GPHN: variants seen among roughly 807,000 people sequenced by gnomAD.
GPHN encodes gephyrin.
In GPHN, 17 loss-of-function variants were observed where a neutral mutation model predicts 95.5. The ratio of observed to expected loss-of-function variants is 0.18; its 90% CI spans 0.12 to 0.27. The LOEUF (loss-of-function observed/expected upper bound fraction) is 0.27, where lower values mean the gene tolerates loss of function less well. GPHN is among the 10% of genes least tolerant of loss of function. GPHN has a pLI of 1.00. For synonymous variants in GPHN, 320 were observed against 322.5 expected, an observed-to-expected ratio of 0.99 and a Z score of 0.08; for missense variants, 660 against 978.1, an observed-to-expected ratio of 0.67 and a Z score of 4.34.
In GPHN at chr14:66,595,668, G is replaced by C. The variant is rs149582438; in HGVS notation, c.65-85439G>C. ...AAGCAGCTTCCATGGCTGCCACTGG[G>C]GTAGGCAGTGGTGCCTGGAAGCTTG... On this transcript the variant is annotated intron_variant, in intron 1 of 22. Transcript: ENST00000478722. Among the ~76,000 whole-genome samples the C allele has an allele frequency of 3.4e-3, 515 of 152,266 alleles. 2 individuals are homozygous for C. The highest frequency in any genetic ancestry group is 0.012 in the African/African-American group (489 of 41,552).
the GPHN span, among the ~76,000 whole-genome samples, chr14:67,353,283 G>T: frequency 2.6e-5 from 4 of 152,102 alleles, no homozygotes; most frequent in Admixed American, 2.6e-4. Flanking sequence ...GAGATGACTG[G>T]GTCATCTGGG....
At chr14:66,841,037 A>G (rs2062067611) in intron 4 of GPHN, among the ~76,000 whole-genome samples, 1 of 145,130 alleles carries the variant, frequency 6.9e-6, no homozygotes, top group Non-Finnish European at 1.5e-5. Flanking sequence ...AGATATAGGT[A>G]TAGATATAGA....
chr14:67,465,622 A>G, the GPHN span, among the ~76,000 whole-genome samples: 1,051 of 152,302 alleles, frequency 6.9e-3, 9 homozygotes, highest in African/African-American at 0.025. Flanking sequence ...TCCTCATGGA[A>G]TTCCTAAGTG....
chr14:66,863,469 C>T (rs1306616952), intron 4 of GPHN, among the ~76,000 whole-genome samples: 1 of 151,904 alleles, frequency 6.6e-6, no homozygotes, highest in South Asian at 2.1e-4. Flanking sequence ...GAAAAAAAAT[C>T]ATAAAATTTA....
chr14:67,534,670 C>T, the GPHN span, among the ~76,000 whole-genome samples: 1 of 152,100 alleles, frequency 6.6e-6, no homozygotes, highest in Admixed American at 6.6e-5. Flanking sequence ...TTGTGGGGTG[C>T]AGCCTGTGGC....
At chr14:67,189,718 C>T in the GPHN span, 1 of 152,092 alleles carries the variant, frequency 6.6e-6, no homozygotes, top group African/African-American at 2.4e-5. Context: ...TCTACCTCAA[C>T]CAGAACAAGC....
intron 2 of GPHN, among the ~76,000 whole-genome samples, chr14:66,681,662 A>G (rs2066937774): frequency 6.6e-6 from 1 of 152,094 alleles, no homozygotes; most frequent in African/African-American, 2.4e-5. Flanking sequence ...GGAGAGTTTG[A>G]TAGATTTCAG....
chr14:67,657,595 C>T, the GPHN span, among the ~76,000 whole-genome samples: 334 of 138,400 alleles, frequency 2.4e-3, 1 homozygote, highest in African/African-American at 9.3e-3. Flanking sequence ...CACGCGCGCG[C>T]GTGCACACAC....
At chr14:67,687,278 A>G in the GPHN span, among the ~76,000 whole-genome samples, 1 of 152,154 alleles carries the variant, frequency 6.6e-6, no homozygotes, top group South Asian at 2.1e-4. Flanking sequence ...CTCTTAGAAT[A>G]AACACTAAAA....
chr14:66,541,817 G>C (rs2059365004), intron 1 of GPHN, among the ~76,000 whole-genome samples: 1 of 152,146 alleles, frequency 6.6e-6, no homozygotes, highest in Non-Finnish European at 1.5e-5. Context: ...GAGCAGCTTG[G>C]TGCTGTCAGT....
the GPHN span, among the ~76,000 whole-genome samples, chr14:67,246,649 G>GTTTTT: frequency 2.7e-5 from 3 of 112,202 alleles, no homozygotes; most frequent in Non-Finnish European, 3.5e-5. Context: ...CCTACTATAG[G>GTTTTT]TTTTTTTTTT....
the GPHN span, among the ~76,000 whole-genome samples, chr14:67,522,818 C>CTA: frequency 6.6e-6 from 1 of 152,194 alleles, no homozygotes; most frequent in African/African-American, 2.4e-5. Flanking sequence ...AACCCCATCT[C>CTA]TATTCTTTTT....
chr14:67,100,778 A>T, intron 12 of GPHN, 78 bp from the exon 13 acceptor site: 1 of 941,038 alleles, frequency 1.1e-6, no homozygotes, highest in East Asian at 2.4e-5. Context: ...GTCAAATTTT[A>T]GAATTCCAAT....
intron 1 of GPHN, among the ~76,000 whole-genome samples, chr14:66,589,734 A>G (rs1202521667): frequency 6.6e-6 from 1 of 152,136 alleles, no homozygotes; most frequent in Admixed American, 6.5e-5. Context: ...TAATAGTGGG[A>G]GACTTTAACA....
At chr14:67,320,514 G>A in the GPHN span, 3 of 968,046 alleles carry the variant, frequency 3.1e-6, no homozygotes, top group African/African-American at 1.7e-5. Flanking sequence ...GTCAGTGAAA[G>A]AGGAACTTTA....
At chr14:66,821,597 T>G (rs2061192178) in intron 3 of GPHN, among the ~76,000 whole-genome samples, 1 of 152,218 alleles carries the variant, frequency 6.6e-6, no homozygotes. Flanking sequence ...TCTTGTTAAA[T>G]GAATTAATGA....
chr14:66,927,055 T>C (rs1303002828), intron 8 of GPHN, among the ~76,000 whole-genome samples: 1 of 152,160 alleles, frequency 6.6e-6, no homozygotes, highest in Non-Finnish European at 1.5e-5. Context: ...TGTTGGCATA[T>C]AGAAATGCTG....
At chr14:66,893,323 G>A (rs747843728) in intron 5 of GPHN, among the ~76,000 whole-genome samples, 2 of 152,142 alleles carry the variant, frequency 1.3e-5, no homozygotes, top group Non-Finnish European at 1.5e-5. Flanking sequence ...GACAGTGGGG[G>A]CAGGACAGTG....
chr14:66,794,745 A>G (rs2060097521), intron 3 of GPHN, among the ~76,000 whole-genome samples: 2 of 152,116 alleles, frequency 1.3e-5, no homozygotes, highest in African/African-American at 4.8e-5. Context: ...TTAACATTTG[A>G]TCTTGAAGAG....
Sources: allele counts gnomAD v4.1 joint callset (sites outside exome capture counted in the v4.1 genomes callset), GRCh38; gene constraint gnomAD v4.1.1; transcripts MANE v1.5; gene names NCBI Gene and HGNC (gene_info 2026-07-23, HGNC 2026-07-21).